Variants in FCHO2 observed in about 807,000 individuals in gnomAD.
FCHO2 encodes FCH and mu domain containing endocytic adaptor 2.
Under a neutral mutation model 114.1 loss-of-function variants are expected in FCHO2, and 43 were observed. That is an observed-to-expected ratio of 0.38 (90% CI 0.30 to 0.49). The LOEUF (loss-of-function observed/expected upper bound fraction) is 0.49, where lower values mean the gene tolerates loss of function less well. Ranked by LOEUF, FCHO2 falls within the 20% of genes least tolerant of loss-of-function variation. The pLI, the probability that FCHO2 is intolerant of heterozygous loss-of-function variation, is 0.97. For missense variants in FCHO2, 807 were observed against 950.4 expected (o/e 0.85, Z 1.98); for synonymous variants, 293 against 315.2 (o/e 0.93, Z 0.75).
chr5:73,014,253 G>A (rs1246878234), intron 6 of FCHO2, among the ~76,000 whole-genome samples: 1 of 151,216 alleles, frequency 6.6e-6, no homozygotes, highest in African/African-American at 2.4e-5. Context: ...CTCTTTTGGG[G>A]ATTGTATATT....
At chr5:72,975,666 G>T (rs746702689) in intron 2 of FCHO2, among the ~76,000 whole-genome samples, 1 of 152,024 alleles carries the variant, frequency 6.6e-6, no homozygotes, top group Non-Finnish European at 1.5e-5. Context: ...CACCATGCCT[G>T]GCTAATTTTT....
Position 73,015,729 on chromosome 5 carries a change from G to GT in FCHO2, c.699+12dup, listed in dbSNP as rs780851001. On this transcript the variant is annotated splice_donor_region_variant and intron_variant, in intron 7 of 25. Coordinates refer to ENST00000430046, the MANE Select transcript of FCHO2 (RefSeq NM_138782.3). ...ATTCATTTGCAGATAGGCCAGGTAA[G>GT]TTTTTTTACTTTATGTTGAACTATT... 3.3e-6 allele frequency: 5 copies of GT among 1,536,374 alleles called. No individual in the cohort carries two copies. Among genetic ancestry groups the GT allele is most frequent in the African/African-American group, 2.8e-5 (2 of 70,384 alleles).
chr5:73,030,282 T>A (rs879717610), intron 8 of FCHO2, among the ~76,000 whole-genome samples: 3 of 152,220 alleles, frequency 2.0e-5, no homozygotes, highest in Non-Finnish European at 4.4e-5. Context: ...CCTCAGGTGA[T>A]CTGCCTGCCT....
At chr5:73,051,989 T>A (rs971604464) in intron 12 of FCHO2, among the ~76,000 whole-genome samples, 4 of 152,180 alleles carry the variant, frequency 2.6e-5, no homozygotes, top group Admixed American at 1.3e-4. Flanking sequence ...AGTGGTGCGA[T>A]CTCGGCTCAC....
intron 8 of FCHO2, among the ~76,000 whole-genome samples, chr5:73,019,733 C>T (rs1755510362): frequency 6.6e-6 from 1 of 152,136 alleles, no homozygotes; most frequent in African/African-American, 2.4e-5. Context: ...ATAGGGTGTC[C>T]AGCTGCCTTG....
chr5:72,961,309 T>C (rs191433205), intron 1 of FCHO2, among the ~76,000 whole-genome samples: 151 of 152,268 alleles, frequency 9.9e-4, no homozygotes, highest in Non-Finnish European at 1.7e-3. Context: ...TTTTAAAATA[T>C]ATATCTTTAG....
chr5:72,956,871 G>T (rs1375360506), intron 1 of FCHO2, among the ~76,000 whole-genome samples: 1 of 151,828 alleles, frequency 6.6e-6, no homozygotes, highest in East Asian at 1.9e-4. Flanking sequence ...TCCGGCTCCC[G>T]GTGGAGTATT....
At chr5:72,983,749 T>C (rs1389366671) in intron 2 of FCHO2, among the ~76,000 whole-genome samples, 1 of 152,098 alleles carries the variant, frequency 6.6e-6, no homozygotes, top group African/African-American at 2.4e-5. Flanking sequence ...CTTCCAACTT[T>C]GTTCTGCTCC....
intron 2 of FCHO2, among the ~76,000 whole-genome samples, chr5:72,976,309 C>G (rs1019344895): frequency 6.6e-6 from 1 of 152,026 alleles, no homozygotes; most frequent in Admixed American, 6.6e-5. Flanking sequence ...GAACTCCTGG[C>G]CTCAAGTGAT....
At chr5:73,082,183 G>A (rs1561498627) in intron 23 of FCHO2, among the ~76,000 whole-genome samples, 1 of 151,092 alleles carries the variant, frequency 6.6e-6, no homozygotes, top group African/African-American at 2.4e-5. Flanking sequence ...AACTAGTTTT[G>A]CTCTAAGTAC....
At chr5:73,020,501 G>A (rs552094376) in intron 8 of FCHO2, among the ~76,000 whole-genome samples, 1 of 152,310 alleles carries the variant, frequency 6.6e-6, no homozygotes, top group African/African-American at 2.4e-5. Flanking sequence ...TAGACTGGGT[G>A]TACCATTCTG....
chr5:72,994,931 A>G (rs1754002950), intron 5 of FCHO2, among the ~76,000 whole-genome samples: 1 of 152,154 alleles, frequency 6.6e-6, no homozygotes, highest in Non-Finnish European at 1.5e-5. Flanking sequence ...ATAGAGAGGA[A>G]CAACAGACAC....
intron 1 of FCHO2, among the ~76,000 whole-genome samples, chr5:72,964,829 A>G (rs1752102452): frequency 6.6e-6 from 1 of 152,180 alleles, no homozygotes; most frequent in Non-Finnish European, 1.5e-5. Flanking sequence ...ACAGTTTCAG[A>G]TCTGAGGTCA....
intron 19 of FCHO2, among the ~76,000 whole-genome samples, chr5:73,073,716 G>A (rs535424229): frequency 1.3e-5 from 2 of 152,048 alleles, no homozygotes; most frequent in South Asian, 2.1e-4. Flanking sequence ...TAATATTTAC[G>A]GTATCTCAGA....
At chr5:73,070,749 A>G (rs930450928) in intron 19 of FCHO2, among the ~76,000 whole-genome samples, 1 of 152,028 alleles carries the variant, frequency 6.6e-6, no homozygotes, top group Non-Finnish European at 1.5e-5. Flanking sequence ...TGAATTTTAT[A>G]CAACAAAGAT....
chr5:73,010,348 A>T (rs965173064), intron 6 of FCHO2, among the ~76,000 whole-genome samples: 1 of 152,168 alleles, frequency 6.6e-6, no homozygotes, highest in Non-Finnish European at 1.5e-5. Flanking sequence ...AATTAATGAG[A>T]CACTTGAAAC....
chr5:73,077,188 T>C, intron 20 of FCHO2, 150 bp from the exon 21 acceptor site: 1 of 497,570 alleles, frequency 2.0e-6, no homozygotes, highest in Non-Finnish European at 3.2e-6. Flanking sequence ...ATTGAAAAAA[T>C]AATCTATAGT....
chr5:73,004,776 T>TAG (rs886717828), intron 5 of FCHO2, among the ~76,000 whole-genome samples: 15 of 152,158 alleles, frequency 9.9e-5, no homozygotes, highest in African/African-American at 2.9e-4. Context: ...GTAGAATATT[T>TAG]AGAGAGAGAG....
chr5:73,061,583 A>G (rs565268833), intron 17 of FCHO2, among the ~76,000 whole-genome samples: 1 of 152,136 alleles, frequency 6.6e-6, no homozygotes, highest in South Asian at 2.1e-4. Flanking sequence ...TTCTGAGTCT[A>G]GAAAGTCCAT....
Sources: allele counts gnomAD v4.1 joint callset (sites outside exome capture counted in the v4.1 genomes callset), GRCh38; gene constraint gnomAD v4.1.1; transcripts MANE v1.5; gene names NCBI Gene and HGNC (gene_info 2026-07-23, HGNC 2026-07-21).